PAPPA: variants seen among roughly 807,000 people sequenced by gnomAD.
PAPPA encodes the protein pappalysin-1.
PAPPA carries 60 observed loss-of-function variants against 164.0 expected under a neutral mutation model. The observed-to-expected ratio is 0.37, with a 90% CI of 0.30 to 0.45. The LOEUF is 0.45. PAPPA is among the 20% of genes least tolerant of loss of function. The pLI is 1.00. For missense variants in PAPPA, 1,782 were observed against 2,087.3 expected, an observed-to-expected ratio of 0.85 and a Z score of 2.85; for synonymous variants, 875 against 814.1, an observed-to-expected ratio of 1.07 and a Z score of -1.27.
At chr9:116,333,992 G>A (rs554994805) in intron 12 of PAPPA, among the ~76,000 whole-genome samples, 4 of 152,220 alleles carry the variant, frequency 2.6e-5, no homozygotes, top group East Asian at 1.9e-4. Context: ...TAGCAAGCCC[G>A]CCAGGACATG....
At chr9:116,243,700 C>T (rs1327855801) in intron 7 of PAPPA, among the ~76,000 whole-genome samples, 1 of 151,936 alleles carries the variant, frequency 6.6e-6, no homozygotes, top group East Asian at 1.9e-4. Context: ...GAATAAACAC[C>T]AAAGAGAGGA....
At chr9:116,243,980 C>T (rs1480656471) in intron 7 of PAPPA, among the ~76,000 whole-genome samples, 1 of 152,120 alleles carries the variant, frequency 6.6e-6, no homozygotes, top group African/African-American at 2.4e-5. Context: ...TACCACTGCT[C>T]TTAGCTCAGG....
chr9:116,354,463 T>G (rs1588017495), intron 17 of PAPPA, among the ~76,000 whole-genome samples: 1 of 152,328 alleles, frequency 6.6e-6, no homozygotes, highest in East Asian at 1.9e-4. Flanking sequence ...ACCCAAGTCC[T>G]GTGTTTCACA....
intron 9 of PAPPA, among the ~76,000 whole-genome samples, chr9:116,299,697 T>G (rs1417896427): frequency 6.6e-6 from 1 of 152,160 alleles, no homozygotes; most frequent in African/African-American, 2.4e-5. Context: ...CTCTGCTAGG[T>G]GTAAAAAGGC....
At chr9:116,392,925 G>C (rs1267201055) in intron 21 of PAPPA, among the ~76,000 whole-genome samples, 1 of 152,214 alleles carries the variant, frequency 6.6e-6, no homozygotes, top group East Asian at 1.9e-4. Context: ...ATGTAGTGGA[G>C]ACAAGGAGGC....
chr9:116,163,019 A>G (rs752763554), intron 1 of PAPPA, among the ~76,000 whole-genome samples: 1 of 152,224 alleles, frequency 6.6e-6, no homozygotes, highest in East Asian at 1.9e-4. Context: ...ACAAGAGACC[A>G]GGTAAAATTT....
chr9:116,268,943 T>C (rs148163434), intron 8 of PAPPA, among the ~76,000 whole-genome samples: 1,685 of 152,282 alleles, frequency 0.011, 26 homozygotes, highest in Middle Eastern at 0.058. Context: ...ATTTGCTCTG[T>C]CTGTAAAATA....
intron 9 of PAPPA, among the ~76,000 whole-genome samples, chr9:116,289,325 G>GCATATATATATATGGCATATATATGC (rs1845400413): frequency 1.4e-5 from 1 of 70,346 alleles, no homozygotes; most frequent in Non-Finnish European, 3.0e-5. Flanking sequence ...CATATATATG[G>GCATATATATATATGGCATATATATGC]CATATATATA....
chr9:116,375,746 G>T (rs1846640761), intron 19 of PAPPA, among the ~76,000 whole-genome samples: 2 of 152,122 alleles, frequency 1.3e-5, no homozygotes, highest in African/African-American at 4.8e-5. Flanking sequence ...ATATAGGTCT[G>T]CCCTCAGGGA....
intron 1 of PAPPA, among the ~76,000 whole-genome samples, chr9:116,180,171 T>C (rs1252499393): frequency 6.6e-6 from 1 of 152,092 alleles, no homozygotes; most frequent in Non-Finnish European, 1.5e-5. Context: ...TCTGTGACCA[T>C]GTGGTCTAAC....
intron 19 of PAPPA, among the ~76,000 whole-genome samples, chr9:116,374,705 C>T (rs995354384): frequency 2.0e-5 from 3 of 152,182 alleles, no homozygotes; most frequent in Non-Finnish European, 2.9e-5. Flanking sequence ...GCATGGGCAT[C>T]GAATCCCTAG....
intron 20 of PAPPA, among the ~76,000 whole-genome samples, chr9:116,378,824 C>T (rs1377338553): frequency 6.6e-6 from 1 of 152,164 alleles, no homozygotes; most frequent in Non-Finnish European, 1.5e-5. Flanking sequence ...TGCTGCCTGC[C>T]TATGATCCAT....
intron 7 of PAPPA, among the ~76,000 whole-genome samples, chr9:116,244,697 C>A (rs2118765936): frequency 6.6e-6 from 1 of 152,134 alleles, no homozygotes; most frequent in Admixed American, 6.6e-5. Context: ...GAAAAGGGAA[C>A]CCTTATACAC....
intron 3 of PAPPA, among the ~76,000 whole-genome samples, chr9:116,211,021 A>T (rs1336487004): frequency 2.0e-5 from 3 of 152,242 alleles, no homozygotes. Flanking sequence ...TAGAACGTTG[A>T]TTAAGAGTCC....
At chr9:116,340,326 A>G (rs1846120125) in intron 13 of PAPPA, among the ~76,000 whole-genome samples, 1 of 152,228 alleles carries the variant, frequency 6.6e-6, no homozygotes, top group African/African-American at 2.4e-5. Flanking sequence ...TCATTTTTGG[A>G]CAGTGTGTTC....
intron 21 of PAPPA, among the ~76,000 whole-genome samples, chr9:116,391,959 T>C (rs1846898654): frequency 6.6e-6 from 1 of 152,176 alleles, no homozygotes; most frequent in Admixed American, 6.5e-5. Context: ...ATGCCTCAGT[T>C]TCTTCGTCTG....
chr9:116,248,909 G>A (rs1329816984), intron 7 of PAPPA, among the ~76,000 whole-genome samples: 1 of 152,124 alleles, frequency 6.6e-6, no homozygotes, highest in African/African-American at 2.4e-5. Context: ...CTTCTAAGGT[G>A]GATTAGTTAC....
chr9:116,313,135 T>A (rs17549236), intron 10 of PAPPA, among the ~76,000 whole-genome samples: 13,408 of 151,006 alleles, frequency 0.089, 675 homozygotes, highest in South Asian at 0.15. Context: ...AAACCCTGAT[T>A]AATTCTTCAG....
rs1564257899 is a variant in PAPPA, at chr9:116,399,720, C to A, written c.*3104C>A. On this transcript the variant is annotated 3_prime_UTR_variant, in exon 22 of 22. Transcript: ENST00000328252. ...TACCCCCAGATTCTGTGCCAACAAC[C>A]TTTTAAGGAAATACAGTCCTTGGGA... 1 of 152,582 alleles carries A rather than the reference C, an allele frequency of 6.6e-6. No individual in the cohort carries two copies. The highest frequency in any genetic ancestry group is 2.4e-5 in the African/African-American group (1 of 41,442). The allele number at this position is 152,582 out of a possible 1,614,324, so 9.5% of individuals were successfully genotyped here.
Sources: allele counts gnomAD v4.1 joint callset (sites outside exome capture counted in the v4.1 genomes callset), GRCh38; gene constraint gnomAD v4.1.1; transcripts MANE v1.5; gene names NCBI Gene and HGNC (gene_info 2026-07-23, HGNC 2026-07-21).